MIA2: variants seen among roughly 807,000 people sequenced by gnomAD.
The protein encoded by MIA2 is MIA SH3 domain ER export factor 2, also known as melanoma inhibitory activity protein 2.
In MIA2, 127 loss-of-function variants were observed where a neutral mutation model predicts 167.8. The observed-to-expected ratio is 0.76, with a 90% CI of 0.66 to 0.88. MIA2 has a LOEUF of 0.88. MIA2 is among the 40% of genes least tolerant of loss of function. MIA2 has a pLI of 0.00. For synonymous variants in MIA2, 552 were observed against 541.9 expected (o/e 1.02, Z -0.26); for missense variants, 1,690 against 1,624.7 (o/e 1.04, Z -0.69).
chr14:39,248,185 A>G, intron 4 of MIA2, 44 bp downstream of exon 4: 1 of 1,251,272 alleles, frequency 8.0e-7, no homozygotes, highest in Non-Finnish European at 1.1e-6. Context: ...TTATTTTTAA[A>G]CATAATTTAT....
Position 39,350,088 on chromosome 14 carries a change from CTT to C in MIA2, c.4073-8_4073-7del. On this transcript the variant is annotated splice_polypyrimidine_tract_variant and splice_region_variant and intron_variant, in intron 28 of 28. Coordinates refer to ENST00000640607, the MANE Select transcript of MIA2 (RefSeq NM_001329214.4). ...GTTAAAAAATGTCTTTTACCAATCT[CTT>C]TGAACAGTGAGAAATGTCTATCCAC... The C allele has an allele frequency of 8.5e-7, 1 of 1,183,354 alleles. No homozygotes were observed. The highest frequency in any genetic ancestry group is 1.2e-6 in the Non-Finnish European group (1 of 834,552). 73.3% of individuals were successfully genotyped at this position (1,183,354 alleles called of 1,614,324 possible).
Position 39,350,195 on chromosome 14 carries a change from C to T in MIA2, c.4170C>T (p.Phe1390=). The part of the protein sequence containing the change: ...PPPHSEGRSE[F]PSGLIPPSNE... The stretch of plus-strand genomic sequence containing the variant: ...CACATTCTGAAGGTAGAAGTGAGTT[C>T]CCCTCAGGTTTGATTCCACCTTCAA... Residue 1390 remains phenylalanine, a synonymous_variant, in exon 29 of 29, where the codon TTC becomes TTT. Coordinates refer to ENST00000640607, the MANE Select transcript of MIA2 (RefSeq NM_001329214.4). 6.9e-6 allele frequency: 10 copies of T among 1,456,482 alleles called. No homozygotes were observed. The highest frequency in any genetic ancestry group is 9.3e-6 in the Non-Finnish European group (10 of 1,070,524). The allele number at this position is 1,456,482 out of a possible 1,614,324, so 90.2% of individuals were successfully genotyped here.
intron 25 of MIA2, among the ~76,000 whole-genome samples, chr14:39,343,625 T>G (rs1189065797): frequency 6.6e-6 from 1 of 152,206 alleles, no homozygotes; most frequent in Non-Finnish European, 1.5e-5. Flanking sequence ...TTCCATTCTT[T>G]CTTTCTAATC....
rs564335787 is a variant in MIA2, at chr14:39,234,567, A to C, written c.115+338A>C. Among the ~76,000 whole-genome samples, 9 of 152,206 alleles carry C rather than the reference A, an allele frequency of 5.9e-5. No individual in the cohort carries two copies. In the South Asian group the frequency reaches 1.5e-3, roughly 25 times the overall value. ...CCCATTAAAAAAAAAAGATAAATCT[A>C]ATTGATTCATATAAAAAAAGACATC... On this transcript the variant is annotated intron_variant, in intron 1 of 28. Coordinates refer to ENST00000640607, the MANE Select transcript of MIA2 (RefSeq NM_001329214.4).
intron 23 of MIA2, among the ~76,000 whole-genome samples, chr14:39,377,217 G>C (rs1285540827): frequency 6.9e-6 from 1 of 144,962 alleles, no homozygotes; most frequent in Non-Finnish European, 1.5e-5. Flanking sequence ...GTCCTACAAA[G>C]AGAACATAGG....
At chr14:39,319,085 A>AACAAACAAC in intron 22 of MIA2, 124 bp from the exon 23 acceptor site, 2 of 452,968 alleles carry the variant, frequency 4.4e-6, no homozygotes, top group Admixed American at 7.5e-5. Context: ...ATAATTTTAG[A>AACAAACAAC]GGATCTGTTT....
intron 6 of MIA2, chr14:39,265,179 T>G: frequency 2.0e-6 from 1 of 493,278 alleles, no homozygotes; most frequent in Non-Finnish European, 3.5e-6. Context: ...ATATATATAC[T>G]TAACAACGAG....
chr14:39,243,993 T>C (rs998822545), intron 3 of MIA2, among the ~76,000 whole-genome samples: 4 of 152,354 alleles, frequency 2.6e-5, no homozygotes, highest in African/African-American at 9.6e-5. Context: ...TATGATCTAA[T>C]GCAGTAGACT....
chr14:39,343,206 G>A lies in MIA2; in HGVS notation c.3656-2698G>A, dbSNP rs567987827. Among the ~76,000 whole-genome samples, 118 of 152,248 alleles carry A rather than the reference G, an allele frequency of 7.8e-4. 1 individual carries two copies. The highest frequency in any genetic ancestry group is 2.8e-3 in the African/African-American group (115 of 41,548). On this transcript the variant is annotated intron_variant, in intron 25 of 28. Coordinates refer to ENST00000640607, the MANE Select transcript of MIA2 (RefSeq NM_001329214.4). ...GTCGCTCAGGCTGGGGTGCAGTGGC[G>A]TGATCTTGGCTGACTGCAACCTCCG...
intron 2 of MIA2, among the ~76,000 whole-genome samples, chr14:39,237,901 G>A (rs1477108333): frequency 4.6e-5 from 7 of 151,716 alleles, no homozygotes; most frequent in South Asian, 2.1e-4. Flanking sequence ...CACCATGCCC[G>A]GCTGCTTTTT....
chr14:39,386,409 C>G, intron 23 of MIA2: 2 of 1,560,228 alleles, frequency 1.3e-6, no homozygotes, highest in Non-Finnish European at 1.8e-6. Flanking sequence ...TTCCTTTTGG[C>G]TTTAACAAGG....
intron 4 of MIA2, among the ~76,000 whole-genome samples, chr14:39,250,801 A>G (rs1330169532): frequency 6.6e-6 from 1 of 150,986 alleles, no homozygotes; most frequent in Non-Finnish European, 1.5e-5. Context: ...TTAAATGACA[A>G]TAGGATGTTC....
At chr14:39,280,663 C>T (rs753480116) in intron 9 of MIA2, among the ~76,000 whole-genome samples, 21 of 152,126 alleles carry the variant, frequency 1.4e-4, no homozygotes, top group Admixed American at 4.6e-4. Context: ...AACCAGGAGA[C>T]GGAGCTTGCA....
intron 6 of MIA2, chr14:39,267,404 T>C (rs913722174): frequency 6.2e-7 from 1 of 1,607,698 alleles, no homozygotes; most frequent in East Asian, 2.2e-5. Context: ...CCGCCGTTTA[T>C]TGTGGCCCCG....
At chr14:39,269,038 T>G in intron 6 of MIA2, 1 of 982,760 alleles carries the variant, frequency 1.0e-6, no homozygotes. Context: ...TTTTGCAGTT[T>G]TCTCTAGTCT....
chr14:39,386,921 CAGGT>C lies in MIA2; in HGVS notation c.2289_2292del (p.Arg764AlafsTer2), dbSNP rs1441656386. The C allele has an allele frequency of 5.2e-6, 4 of 774,132 alleles. No homozygotes were observed. The Admixed American group carries it at 9.2e-5, about 18-fold the overall frequency. The allele number at this position is 774,132 out of a possible 1,614,324, so 48.0% of individuals were successfully genotyped here. ...CCGCCCGGGGCAGGAGCCCCGGCTT[CAGGT>C]AGGGGCCTAGGAGGGCCCCAGAAAT... On this transcript the variant is annotated frameshift_variant, in exon 24 of 24. Coordinates refer to the MIA2 transcript ENST00000341502. LOFTEE classifies it high-confidence loss of function.
At position 39,304,371 on chromosome 14, in the gene MIA2, A is replaced by G. The variant is rs1406639056; in HGVS notation, c.2868A>G (p.Glu956=). Residue 956 remains glutamate (E), a synonymous_variant, in exon 17 of 29, where the codon GAA becomes GAG. Coordinates refer to ENST00000640607, the MANE Select transcript of MIA2 (RefSeq NM_001329214.4). ...IQLSEVDKTK[E]ELTEHIKNLQ... ...TGTCTGAAGTTGATAAAACAAAGGA[A>G]GAGCTTACAGGTAGGTCATTGACAT... The G allele has an allele frequency of 1.2e-5, 18 of 1,561,148 alleles. No homozygotes were observed. Among genetic ancestry groups the G allele is most frequent in the Non-Finnish European group, 1.6e-5 (18 of 1,150,374 alleles).
At chr14:39,357,870 G>C (rs1261762582) in intron 23 of MIA2, among the ~76,000 whole-genome samples, 4 of 92,984 alleles carry the variant, frequency 4.3e-5, no homozygotes, top group African/African-American at 2.1e-4. Context: ...TAAGAATGTT[G>C]AATATTGGCC....
chr14:39,377,624 T>G (rs574727567), intron 23 of MIA2, among the ~76,000 whole-genome samples: 1 of 152,302 alleles, frequency 6.6e-6, no homozygotes, highest in East Asian at 1.9e-4. Flanking sequence ...GATTTTTCTC[T>G]CTCCAATAAC....
Sources: allele counts gnomAD v4.1 joint callset (sites outside exome capture counted in the v4.1 genomes callset), GRCh38; gene constraint gnomAD v4.1.1; transcripts MANE v1.5; gene names NCBI Gene and HGNC (gene_info 2026-07-23, HGNC 2026-07-21).